Variants in FSTL5 observed in about 807,000 individuals in gnomAD.
FSTL5 encodes follistatin like 5, also known as follistatin-related protein 5.
In FSTL5, 62 loss-of-function variants were observed where a neutral mutation model predicts 89.1. The observed-to-expected ratio is 0.70, with a 90% CI of 0.57 to 0.86. The LOEUF (loss-of-function observed/expected upper bound fraction) is 0.86, where lower values mean the gene tolerates loss of function less well. FSTL5 is among the 40% of genes least tolerant of loss of function. FSTL5 has a pLI of 0.00. For synonymous variants in FSTL5, 383 were observed against 346.2 expected, an observed-to-expected ratio of 1.11 and a Z score of -1.18; for missense variants, 1,057 against 1,001.6, an observed-to-expected ratio of 1.06 and a Z score of -0.75.
chr4:161,426,141 T>C (rs928455302), intron 15 of FSTL5, among the ~76,000 whole-genome samples: 2 of 151,916 alleles, frequency 1.3e-5, no homozygotes, highest in Non-Finnish European at 2.9e-5. Flanking sequence ...CTGCATATTA[T>C]TCATTATATA....
intron 3 of FSTL5, among the ~76,000 whole-genome samples, chr4:161,998,855 ACAAC>A (rs1736378214): frequency 1.1e-5 from 1 of 91,166 alleles, no homozygotes; most frequent in African/African-American, 4.5e-5. Context: ...AAACACACAC[ACAAC>A]ACACACACAC....
At chr4:161,395,664 A>G (rs1312022921) in intron 15 of FSTL5, among the ~76,000 whole-genome samples, 3 of 152,150 alleles carry the variant, frequency 2.0e-5, no homozygotes, top group Non-Finnish European at 2.9e-5. Flanking sequence ...TTGAGGAGAA[A>G]AACTGTGGGA....
intron 4 of FSTL5, among the ~76,000 whole-genome samples, chr4:161,780,564 T>C (rs1741626849): frequency 6.6e-6 from 1 of 152,184 alleles, no homozygotes; most frequent in Non-Finnish European, 1.5e-5. Context: ...TTCCTTCCCA[T>C]GGATACAGCG....
At chr4:161,860,656 T>C (rs1560886530) in intron 4 of FSTL5, among the ~76,000 whole-genome samples, 2 of 152,334 alleles carry the variant, frequency 1.3e-5, no homozygotes, top group East Asian at 1.9e-4. Context: ...ACCATTTCCC[T>C]AGTTTTTTAC....
intron 3 of FSTL5, among the ~76,000 whole-genome samples, chr4:162,002,704 G>C (rs978098036): frequency 6.6e-6 from 1 of 152,028 alleles, no homozygotes; most frequent in Non-Finnish European, 1.5e-5. Context: ...TTTTTGTGAA[G>C]CTTTTTTCCT....
chr4:161,656,588 A>G, intron 6 of FSTL5, 94 bp from the exon 7 acceptor site: 1 of 681,450 alleles, frequency 1.5e-6, no homozygotes, highest in Admixed American at 4.0e-5. Context: ...AAGGCTTTTA[A>G]TTTGAATAAA....
rs898910598 is a variant in FSTL5, at chr4:161,666,277, T to C, written c.728-9783A>G. ...TGAAAAAGTGCTTTATGAATTAGTC[T>C]ATATGGCTAAGAAAAATCTGAAAAT... On this transcript the variant is annotated intron_variant, in intron 6 of 15. Coordinates refer to ENST00000306100, the MANE Select transcript of FSTL5 (RefSeq NM_020116.5). Among the ~76,000 whole-genome samples, 4 of 152,176 alleles carry C rather than the reference T, an allele frequency of 2.6e-5. No individual in the cohort carries two copies. In the South Asian group the frequency reaches 6.2e-4, roughly 24 times the overall value.
chr4:161,839,205 T>C (rs923692916), intron 4 of FSTL5, among the ~76,000 whole-genome samples: 1 of 151,884 alleles, frequency 6.6e-6, no homozygotes, highest in Non-Finnish European at 1.5e-5. Flanking sequence ...ATCAAAAAAA[T>C]AGACAAAATG....
chr4:161,441,318 A>C lies in FSTL5; in HGVS notation c.1841+13686T>G, dbSNP rs111692010. ...TAAACCGAATGAACAAGACTTCTTG[A>C]GCTTTATAAATTACTTAATAAGTAT... On this transcript the variant is annotated intron_variant, in intron 15 of 15. Coordinates refer to ENST00000306100, the MANE Select transcript of FSTL5 (RefSeq NM_020116.5). Among the ~76,000 whole-genome samples, 649 of 150,640 alleles carry C rather than the reference A, an allele frequency of 4.3e-3. 5 individuals are homozygous for C. Among genetic ancestry groups the C allele is most frequent in the African/African-American group, 0.015 (593 of 40,366 alleles).
chr4:161,648,134 TC>T (rs1736214151), intron 7 of FSTL5, among the ~76,000 whole-genome samples: 1 of 152,150 alleles, frequency 6.6e-6, no homozygotes, highest in African/African-American at 2.4e-5. Context: ...ATCCGATTCT[TC>T]CGGTACACCA....
At chr4:161,778,283 A>C (rs1356555801) in intron 4 of FSTL5, among the ~76,000 whole-genome samples, 7 of 152,218 alleles carry the variant, frequency 4.6e-5, no homozygotes, top group Non-Finnish European at 1.0e-4. Context: ...TATTACAAAA[A>C]ATGCAGTGCA....
At chr4:161,662,851 G>A (rs1736764764) in intron 6 of FSTL5, among the ~76,000 whole-genome samples, 1 of 152,168 alleles carries the variant, frequency 6.6e-6, no homozygotes, top group Non-Finnish European at 1.5e-5. Context: ...ACATACCTGA[G>A]ACTGGAAAGA....
intron 15 of FSTL5, chr4:161,388,420 T>C (rs1560870567): frequency 6.6e-6 from 1 of 152,026 alleles, no homozygotes; most frequent in Non-Finnish European, 1.5e-5. Context: ...ATCTGAATCA[T>C]AAGGAATAAA....
At chr4:162,083,864 A>T (rs80183400) in intron 2 of FSTL5, among the ~76,000 whole-genome samples, 1,670 of 152,024 alleles carry the variant, frequency 0.011, 33 homozygotes, top group African/African-American at 0.038. Context: ...TAAATTCATT[A>T]TTATGAGATG....
intron 15 of FSTL5, among the ~76,000 whole-genome samples, chr4:161,415,518 G>C (rs1330673377): frequency 6.6e-6 from 1 of 152,008 alleles, no homozygotes; most frequent in Non-Finnish European, 1.5e-5. Context: ...ACCTCCCAAA[G>C]TGCTGGGATT....
chr4:161,974,163 C>G lies in FSTL5; in HGVS notation c.161-53511G>C, dbSNP rs539559728. ...GCTCATGGGTAGGAAGAATCAATAT[C>G]GTGAAAATGGCCATACTGCCCAAGG... On this transcript the variant is annotated intron_variant, in intron 3 of 15. Coordinates refer to ENST00000306100, the MANE Select transcript of FSTL5 (RefSeq NM_020116.5). 2.6e-5 allele frequency among the ~76,000 whole-genome samples: 4 copies of G among 152,212 alleles called. No homozygotes were observed. The East Asian group carries it at 5.8e-4, about 22-fold the overall frequency.
intron 13 of FSTL5, among the ~76,000 whole-genome samples, chr4:161,471,117 T>C (rs544111395): frequency 1.1e-4 from 17 of 152,212 alleles, no homozygotes; most frequent in African/African-American, 2.9e-4. Context: ...CAATGTTAAG[T>C]AGAAGTGGCA....
rs145198009 is a variant in FSTL5 at position 162,107,436 on chromosome 4, A to G, written c.126+3835T>C. Among the ~76,000 whole-genome samples, 19 of 152,276 alleles carry G rather than the reference A, an allele frequency of 1.2e-4. No individual in the cohort carries two copies. The East Asian group carries it at 2.5e-3, about 20-fold the overall frequency. On this transcript the variant is annotated intron_variant, in intron 2 of 15. Transcript: ENST00000306100. ...CATCATGGCTGTTCTGAGTACACTA[A>G]TTCTAAAGACGGCTCAAAATTTGCC...
At chr4:161,723,780 T>C (rs989154698) in intron 6 of FSTL5, among the ~76,000 whole-genome samples, 3 of 152,034 alleles carry the variant, frequency 2.0e-5, no homozygotes, top group South Asian at 2.1e-4. Context: ...GAAGAGTAAA[T>C]TGAAGAACGA....
Sources: gnomAD v4.1 joint callset for allele counts (sites outside exome capture counted in the v4.1 genomes callset) on GRCh38, gnomAD v4.1.1 for gene constraint, MANE v1.5 for transcripts, NCBI Gene and HGNC (gene_info 2026-07-23, HGNC 2026-07-21) for gene names.